Variants in SLC38A6 observed in about 807,000 individuals in gnomAD.
The protein encoded by SLC38A6 is solute carrier family 38 member 6.
A neutral mutation model predicts 65.0 loss-of-function variants in SLC38A6; 73 were observed. The observed-to-expected ratio is 1.12, with a 90% CI of 0.93 to 1.37. The LOEUF (loss-of-function observed/expected upper bound fraction) is 1.37. Ranked by LOEUF, SLC38A6 falls within the 40% of genes most tolerant of loss-of-function variation. The pLI is 0.00. For synonymous variants in SLC38A6, 183 were observed against 178.8 expected, an observed-to-expected ratio of 1.02 and a Z score of -0.19; for missense variants, 561 against 531.1, an observed-to-expected ratio of 1.06 and a Z score of -0.55.
intron 6 of SLC38A6, among the ~76,000 whole-genome samples, chr14:61,033,113 T>A (rs1474200587): frequency 6.6e-6 from 1 of 152,014 alleles, no homozygotes; most frequent in East Asian, 1.9e-4. Context: ...TGTTAACATT[T>A]AATGATCTTG....
At chr14:61,082,002 G>A (rs960232190) in intron 16 of SLC38A6, among the ~76,000 whole-genome samples, 1 of 152,146 alleles carries the variant, frequency 6.6e-6, no homozygotes, top group African/African-American at 2.4e-5. Context: ...GGAGTGCACA[G>A]CAGTGCTGTA....
intron 3 of SLC38A6, among the ~76,000 whole-genome samples, chr14:61,014,914 C>G (rs2039878750): frequency 6.6e-6 from 1 of 152,196 alleles, no homozygotes; most frequent in African/African-American, 2.4e-5. Context: ...TCAAAGCTGT[C>G]AGACAGAGAC....
chr14:61,067,760 C>T (rs1197105250), intron 15 of SLC38A6, among the ~76,000 whole-genome samples: 3 of 151,974 alleles, frequency 2.0e-5, no homozygotes, highest in Non-Finnish European at 4.4e-5. Flanking sequence ...TACATACATA[C>T]ATATGTATCT....
chr14:61,053,710 G>C (rs1270881164), downstream of SLC38A6, among the ~76,000 whole-genome samples: 2 of 152,112 alleles, frequency 1.3e-5, no homozygotes, highest in African/African-American at 4.8e-5. Context: ...GTCTGTTCAT[G>C]TCCTTTGCCC....
chr14:61,005,987 T>C (rs1224902985), intron 3 of SLC38A6, among the ~76,000 whole-genome samples: 3 of 151,906 alleles, frequency 2.0e-5, no homozygotes, highest in Non-Finnish European at 2.9e-5. Context: ...GAGATATAGA[T>C]CAATGGAACA....
At chr14:60,999,131 A>G (rs991726003) in intron 3 of SLC38A6, among the ~76,000 whole-genome samples, 1 of 152,208 alleles carries the variant, frequency 6.6e-6, no homozygotes, top group Non-Finnish European at 1.5e-5. Flanking sequence ...TCAGATCCCA[A>G]GGAATTTGTA....
At chr14:61,077,994 G>A (rs1406356494) in intron 15 of SLC38A6, among the ~76,000 whole-genome samples, 3 of 152,218 alleles carry the variant, frequency 2.0e-5, no homozygotes, top group Admixed American at 1.3e-4. Context: ...CTGTCACAAA[G>A]CATTGTTAGG....
At position 61,075,256 on chromosome 14, in the gene SLC38A6, C is replaced by G. The variant is rs1229358720; in HGVS notation, c.1291-3554C>G. Among the ~76,000 whole-genome samples, 4 of 152,146 alleles carry G rather than the reference C, an allele frequency of 2.6e-5. 1 individual carries two copies. Among genetic ancestry groups the G allele is most frequent in the Non-Finnish European group, 5.9e-5 (4 of 68,034 alleles). ...TCCTGAAACTAATAAAGTCAGTAGA[C>G]ACAAAAATACCTTGTGTGAACAGAA... On this transcript the variant is annotated intron_variant, in intron 15 of 16. Coordinates refer to the SLC38A6 transcript ENST00000354886.
rs1566713203 is a variant in SLC38A6, at chr14:61,051,827, CATTCTCA to C, written c.1092_1098del (p.Phe365GlyfsTer6). ...ACAATGATGTTTTTCTCCAATTTTCCATTCTCATGGATTCGCCATTTTTTGATCACTC... is the reference window on the plus strand; with the variant it reads ...ACAATGATGTTTTTCTCCAATTTTCCTGGATTCGCCATTTTTTGATCACTC... On this transcript the variant is annotated frameshift_variant, in exon 14 of 16. Coordinates refer to ENST00000267488, the MANE Select transcript of SLC38A6 (RefSeq NM_153811.3). LOFTEE classifies it high-confidence loss of function. 1 of 1,612,194 alleles carries C rather than the reference CATTCTCA, an allele frequency of 6.2e-7. No homozygotes were observed. Among genetic ancestry groups the C allele is most frequent in the Admixed American group, 1.7e-5 (1 of 59,784 alleles).
rs111673500 is a variant in SLC38A6, at chr14:60,996,590, G to C, written c.310+11787G>C. On this transcript the variant is annotated intron_variant, in intron 3 of 15. Transcript: ENST00000267488. ...TTATTAACAAAATAATACAAAAATT[G>C]ATGTAACTGAAGGAAATTAGTTTCA... is the stretch of plus-strand genomic sequence containing the variant. Among the ~76,000 whole-genome samples the C allele has an allele frequency of 8.5e-3, 1,299 of 152,172 alleles. 22 individuals carry two copies. Among genetic ancestry groups the C allele is most frequent in the African/African-American group, 0.03 (1,225 of 41,514 alleles).
intron 10 of SLC38A6, among the ~76,000 whole-genome samples, chr14:61,044,914 T>C (rs2042043213): frequency 6.6e-6 from 1 of 152,156 alleles, no homozygotes; most frequent in African/African-American, 2.4e-5. Context: ...TTCAAGAGCA[T>C]TAACTATTAG....
At chr14:60,983,690 C>A (rs2037246196) in intron 2 of SLC38A6, among the ~76,000 whole-genome samples, 1 of 152,018 alleles carries the variant, frequency 6.6e-6, no homozygotes, top group South Asian at 2.1e-4. Flanking sequence ...TTAAGTAACC[C>A]AACTTGCTTT....
At chr14:61,029,701 G>T (rs956039729) in intron 5 of SLC38A6, among the ~76,000 whole-genome samples, 2 of 152,082 alleles carry the variant, frequency 1.3e-5, no homozygotes, top group Non-Finnish European at 2.9e-5. Flanking sequence ...TTATTTATCG[G>T]ACTCTGTTAG....
intron 5 of SLC38A6, among the ~76,000 whole-genome samples, chr14:61,026,207 C>T (rs986302294): frequency 4.0e-5 from 6 of 151,868 alleles, no homozygotes; most frequent in African/African-American, 1.2e-4. Context: ...CAGAGTGCTG[C>T]GAAAAATAAC....
chr14:61,031,829 A>G (rs1271250277), intron 6 of SLC38A6, among the ~76,000 whole-genome samples: 3 of 151,964 alleles, frequency 2.0e-5, no homozygotes, highest in Non-Finnish European at 1.5e-5. Context: ...GGTAGAATAA[A>G]GAGGGCTAGA....
intron 15 of SLC38A6, among the ~76,000 whole-genome samples, chr14:61,075,536 G>GCTTTAA (rs1306298978): frequency 9.9e-5 from 15 of 152,066 alleles, no homozygotes; most frequent in Non-Finnish European, 1.6e-4. Flanking sequence ...ACATCTCATT[G>GCTTTAA]GCAATATATT....
chr14:61,071,893 A>T (rs1795830961), intron 15 of SLC38A6, among the ~76,000 whole-genome samples: 1 of 152,192 alleles, frequency 6.6e-6, no homozygotes, highest in South Asian at 2.1e-4. Flanking sequence ...TATTTGTTAA[A>T]TCTTGTGTAT....
In SLC38A6 at chr14:61,030,454, CT is replaced by C; in HGVS notation, c.415del (p.Tyr139IlefsTer3). ...IIIQNIGAMS[S>X]YLLIIKTELP... ...ATTTATTCTTTTGCAGCTATGTCAT[CT>C]TATCTTTTAATTATTAAAACAGAGC... On this transcript the variant is annotated frameshift_variant, in exon 6 of 16. Coordinates refer to ENST00000267488, the MANE Select transcript of SLC38A6 (RefSeq NM_153811.3). LOFTEE classifies it high-confidence loss of function. 6.2e-7 allele frequency: 1 copy of C among 1,608,112 alleles called. No individual in the cohort carries two copies. Among genetic ancestry groups the C allele is most frequent in the South Asian group, 1.1e-5 (1 of 90,104 alleles).
In SLC38A6 at chr14:61,015,597, C is replaced by T. The variant is rs560997640; in HGVS notation, c.311-307C>T. 3.9e-5 allele frequency among the ~76,000 whole-genome samples: 6 copies of T among 152,274 alleles called. No individual in the cohort carries two copies. In the East Asian group the frequency reaches 9.6e-4, roughly 24 times the overall value. On this transcript the variant is annotated intron_variant, in intron 3 of 15. Transcript: ENST00000267488. ...AAAACCGTCACTACTGAGAAAAAGA[C>T]ATGTTTTACAAAGACATCTGAAAAT...
Sources: allele counts gnomAD v4.1 joint callset (sites outside exome capture counted in the v4.1 genomes callset), GRCh38; gene constraint gnomAD v4.1.1; transcripts MANE v1.5; gene names NCBI Gene and HGNC (gene_info 2026-07-23, HGNC 2026-07-21).